The following PTPRM variants were observed in gnomAD, a reference collection of about 807,000 sequenced individuals.
The protein encoded by PTPRM is protein tyrosine phosphatase receptor type M, also known as receptor-type tyrosine-protein phosphatase mu.
Under a neutral mutation model 186.7 loss-of-function variants are expected in PTPRM, and 47 were observed. The ratio of observed to expected loss-of-function variants is 0.25; its 90% CI spans 0.20 to 0.32. The LOEUF (loss-of-function observed/expected upper bound fraction) is 0.32, where lower values mean the gene tolerates loss of function less well. PTPRM is among the 10% of genes least tolerant of loss of function. The probability of loss-of-function intolerance (pLI) is 1.00; values close to 1 mark genes in which losing one functional copy is unlikely to be tolerated. For missense variants in PTPRM, 1,494 were observed against 1,865.0 expected (o/e 0.80, Z 3.66); for synonymous variants, 668 against 674.9 (o/e 0.99, Z 0.16).
At chr18:7,842,242 G>C (rs977755510) in intron 2 of PTPRM, among the ~76,000 whole-genome samples, 1 of 152,202 alleles carries the variant, frequency 6.6e-6, no homozygotes, top group African/African-American at 2.4e-5. Context: ...ACAATTATGT[G>C]AGAACAATAG....
intron 23 of PTPRM, among the ~76,000 whole-genome samples, chr18:8,360,598 C>T (rs1028938128): frequency 1.3e-5 from 2 of 152,182 alleles, no homozygotes; most frequent in Admixed American, 6.5e-5. Context: ...AGTTAGCCCC[C>T]TGGTATTGCA....
chr18:8,170,881 C>T (rs2093390225), intron 14 of PTPRM, among the ~76,000 whole-genome samples: 1 of 152,184 alleles, frequency 6.6e-6, no homozygotes, highest in South Asian at 2.1e-4. Context: ...CACTGATTGT[C>T]AAAACTAGTC....
chr18:8,310,146 T>C (rs985645878), intron 20 of PTPRM, among the ~76,000 whole-genome samples: 1 of 152,004 alleles, frequency 6.6e-6, no homozygotes, highest in Non-Finnish European at 1.5e-5. Flanking sequence ...TCATCCACAA[T>C]AAGTGAACTG....
chr18:7,920,169 A>G (rs1474263908), intron 4 of PTPRM, among the ~76,000 whole-genome samples: 2 of 152,014 alleles, frequency 1.3e-5, no homozygotes, highest in African/African-American at 4.8e-5. Flanking sequence ...TTTTAATTGG[A>G]TAATTTGCTC....
At chr18:8,035,042 C>T (rs987337868) in intron 7 of PTPRM, among the ~76,000 whole-genome samples, 6 of 152,154 alleles carry the variant, frequency 3.9e-5, no homozygotes, top group African/African-American at 7.2e-5. Context: ...AAGGGCTGTC[C>T]AGCCATTCCC....
At chr18:7,848,140 G>C (rs754530506) in intron 2 of PTPRM, among the ~76,000 whole-genome samples, 20 of 152,144 alleles carry the variant, frequency 1.3e-4, no homozygotes, top group Non-Finnish European at 2.4e-4. Flanking sequence ...CCCCTTCACT[G>C]TCCTCCCCAC....
chr18:7,740,361 TAA>T (rs1157407205), intron 1 of PTPRM, among the ~76,000 whole-genome samples: 1 of 152,212 alleles, frequency 6.6e-6, no homozygotes, highest in Non-Finnish European at 1.5e-5. Flanking sequence ...CCTGGGGGCA[TAA>T]ATGCAAGTTG....
At chr18:8,229,041 T>C (rs2094251921) in intron 14 of PTPRM, among the ~76,000 whole-genome samples, 1 of 152,142 alleles carries the variant, frequency 6.6e-6, no homozygotes, top group Non-Finnish European at 1.5e-5. Context: ...TCATTAGACA[T>C]GCATCAGTCA....
chr18:7,664,905 GT>G (rs1432898963), intron 1 of PTPRM, among the ~76,000 whole-genome samples: 1 of 152,218 alleles, frequency 6.6e-6, no homozygotes, highest in Non-Finnish European at 1.5e-5. Context: ...GTAGAAGTTT[GT>G]GGGGGAAAAC....
chr18:7,994,910 C>T (rs1056253105), intron 7 of PTPRM, among the ~76,000 whole-genome samples: 13 of 151,326 alleles, frequency 8.6e-5, no homozygotes, highest in African/African-American at 3.2e-4. Flanking sequence ...CTCAAGAAAC[C>T]AAGAAAAGCA....
At chr18:8,183,381 G>A (rs532054623) in intron 14 of PTPRM, among the ~76,000 whole-genome samples, 9 of 152,098 alleles carry the variant, frequency 5.9e-5, no homozygotes, top group Middle Eastern at 3.4e-3. Context: ...ATAATCAATC[G>A]GGAGAGACAA....
intron 13 of PTPRM, among the ~76,000 whole-genome samples, chr18:8,128,149 TA>T (rs575162866): frequency 3.7e-4 from 57 of 152,284 alleles, no homozygotes; most frequent in African/African-American, 1.3e-3. Flanking sequence ...GATTTCTTTG[TA>T]AATAAAAGAT....
chr18:8,016,583 A>C (rs2084884420), intron 7 of PTPRM, among the ~76,000 whole-genome samples: 1 of 152,048 alleles, frequency 6.6e-6, no homozygotes, highest in South Asian at 2.1e-4. Context: ...AAAATATTTG[A>C]GAGTCCTCAA....
intron 1 of PTPRM, among the ~76,000 whole-genome samples, chr18:7,598,445 C>T (rs1266695735): frequency 1.3e-5 from 2 of 152,190 alleles, no homozygotes; most frequent in South Asian, 2.1e-4. Context: ...AGCACGTCTA[C>T]GTGTGTTTAT....
intron 14 of PTPRM, among the ~76,000 whole-genome samples, chr18:8,206,248 TTTTTA>T (rs55773269): frequency 6.8e-6 from 1 of 147,816 alleles, no homozygotes; most frequent in Admixed American, 6.7e-5. Context: ...CAAGGCTGAA[TTTTTA>T]TTTTATTTTA....
chr18:8,280,418 G>A (rs970393180), intron 19 of PTPRM, among the ~76,000 whole-genome samples: 12 of 136,810 alleles, frequency 8.8e-5, no homozygotes, highest in African/African-American at 2.3e-4. Context: ...GGTGGGGGGG[G>A]GGTCACAATT....
chr18:7,934,292 G>T (rs1419519568), intron 5 of PTPRM, among the ~76,000 whole-genome samples: 1 of 151,566 alleles, frequency 6.6e-6, no homozygotes, highest in Admixed American at 6.6e-5. Context: ...CAGTTTTTCA[G>T]CTGTTGGCCT....
chr18:7,975,228 C>T (rs2054852383), intron 7 of PTPRM, among the ~76,000 whole-genome samples: 1 of 152,192 alleles, frequency 6.6e-6, no homozygotes, highest in Non-Finnish European at 1.5e-5. Flanking sequence ...AAGAGCAAAC[C>T]TACTCTTACT....
chr18:8,347,169 G>A (rs1407484771), intron 23 of PTPRM, among the ~76,000 whole-genome samples: 2 of 152,164 alleles, frequency 1.3e-5, no homozygotes, highest in African/African-American at 2.4e-5. Context: ...TTGTGCACCC[G>A]TGCACACGTT....
Sources: allele counts gnomAD v4.1 joint callset (sites outside exome capture counted in the v4.1 genomes callset), GRCh38; gene constraint gnomAD v4.1.1; transcripts MANE v1.5; gene names NCBI Gene and HGNC (gene_info 2026-07-23, HGNC 2026-07-21).